EMC7: variants seen among roughly 807,000 people sequenced by gnomAD.
The protein encoded by EMC7 is endoplasmic reticulum membrane protein complex subunit 7.
EMC7 carries 4 observed loss-of-function variants against 24.4 expected under a neutral mutation model. The observed-to-expected ratio is 0.16, with a 90% CI of 0.08 to 0.38. The LOEUF is 0.38. Ranked by LOEUF, EMC7 falls within the 10% of genes least tolerant of loss-of-function variation. The pLI, the probability that EMC7 is intolerant of heterozygous loss-of-function variation, is 1.00. For missense variants in EMC7, 221 were observed against 300.6 expected (o/e 0.74, Z 1.96); for synonymous variants, 106 against 112.0 (o/e 0.95, Z 0.34).
chr15:34,093,801 A>ACACACACACACG, intron 2 of EMC7, among the ~76,000 whole-genome samples: 1 of 8,088 alleles, frequency 1.2e-4, no homozygotes, highest in African/African-American at 2.0e-4. Context: ...ACACACACAC[A>ACACACACACACG]CACACATATA....
chr15:34,101,782 C>T lies in EMC7; in HGVS notation c.58G>A (p.Asp20Asn), dbSNP rs750915064. ...PVLLLLLLSG[D>N]VQSSEVPGAA... Reference sequence around the variant, plus strand: ...CCGGGCACCTCCGAGCTCTGGACATCCCCCGATAGCAGCAGCAGCAGCAGG... The same window carrying T: ...CCGGGCACCTCCGAGCTCTGGACATTCCCCGATAGCAGCAGCAGCAGCAGG... Residue 20 changes from aspartate (D) to asparagine (N), a missense_variant, in exon 1 of 5, where the codon GAT (aspartate) becomes AAT (asparagine). Transcript: ENST00000256545. 6.2e-7 allele frequency: 1 copy of T among 1,613,298 alleles called. No individual in the cohort carries two copies. The highest frequency in any genetic ancestry group is 8.5e-7 in the Non-Finnish European group (1 of 1,179,950).
chr15:34,084,409 G>A lies in EMC7; in HGVS notation c.654C>T (p.Phe218=). 2 of 1,613,856 alleles carry A rather than the reference G, an allele frequency of 1.2e-6. No homozygotes were observed. The highest frequency in any genetic ancestry group is 1.7e-6 in the Non-Finnish European group (2 of 1,179,810). The change falls in exon 5 of 5, where the codon TTC becomes TTT. Residue 218 remains phenylalanine (F), a synonymous_variant. Coordinates refer to ENST00000256545, the MANE Select transcript of EMC7 (RefSeq NM_020154.3). ...PDVSEFMTRL[F]SSKSSGKSSS... ...TAGATTTGCCAGATGATTTTGAAGA[G>A]AAGAGTCTTGTCATGAACTCAGAAA...
Position 34,084,517 on chromosome 15 carries a change from G to T in EMC7, c.577-31C>A, listed in dbSNP as rs1265780637. The T allele has an allele frequency of 1.9e-6, 3 of 1,595,596 alleles. No individual in the cohort carries two copies. The African/African-American group carries it at 4.0e-5, about 21-fold the overall frequency. ...AGAAGACAAGGCACAATGATATGTA[G>T]GATCCTTCGAGTCTTTTAACTCCTA... On this transcript the variant is annotated intron_variant, in intron 4 of 4. Transcript: ENST00000256545.
At chr15:34,098,017 T>G (rs535359016) in intron 1 of EMC7, among the ~76,000 whole-genome samples, 1 of 150,578 alleles carries the variant, frequency 6.6e-6, no homozygotes, top group South Asian at 2.1e-4. Context: ...CAGAGCACAC[T>G]AAGCCAGAAT....
At chr15:34,085,751 G>T (rs558959972) in intron 4 of EMC7, among the ~76,000 whole-genome samples, 1 of 148,006 alleles carries the variant, frequency 6.8e-6, no homozygotes, top group South Asian at 2.1e-4. Flanking sequence ...CAATAATTAA[G>T]AAATAAATGT....
chr15:34,097,960 C>T (rs1366734953), intron 1 of EMC7, among the ~76,000 whole-genome samples: 1 of 122,190 alleles, frequency 8.2e-6, no homozygotes, highest in Non-Finnish European at 1.9e-5. Flanking sequence ...CAGATCGAGA[C>T]TCCGTCTCAA....
intron 2 of EMC7, among the ~76,000 whole-genome samples, chr15:34,093,579 C>T (rs1275755434): frequency 6.6e-6 from 1 of 150,448 alleles, no homozygotes; most frequent in Non-Finnish European, 1.5e-5. Context: ...CAAGTATTCC[C>T]TTTTGTGTAG....
At chr15:34,093,823 A>ATATATATATTTTTTT (rs1190830993) in intron 2 of EMC7, among the ~76,000 whole-genome samples, 4 of 48,700 alleles carry the variant, frequency 8.2e-5, no homozygotes, top group Admixed American at 2.7e-4. Flanking sequence ...ATATATATAT[A>ATATATATATTTTTTT]TTTTTTTTTT....
intron 2 of EMC7, among the ~76,000 whole-genome samples, chr15:34,093,782 T>TACACACACAC (rs143551689): frequency 0.037 from 838 of 22,640 alleles, 59 homozygotes; most frequent in Admixed American, 0.1. Flanking sequence ...CATATATGTA[T>TACACACACAC]ACACACACAC....
intron 4 of EMC7, among the ~76,000 whole-genome samples, chr15:34,087,426 G>T (rs1287289996): frequency 1.3e-5 from 2 of 152,212 alleles, no homozygotes; most frequent in Non-Finnish European, 2.9e-5. Context: ...AACCAGTATG[G>T]TTTTGTGGAA....
intron 3 of EMC7, among the ~76,000 whole-genome samples, chr15:34,089,374 T>C (rs993180480): frequency 3.3e-5 from 5 of 152,240 alleles, no homozygotes; most frequent in African/African-American, 7.2e-5. Flanking sequence ...ATGTGATTAA[T>C]ACACATCGTA....
At chr15:34,093,362 G>A (rs1032342672) in intron 2 of EMC7, among the ~76,000 whole-genome samples, 25 of 151,690 alleles carry the variant, frequency 1.6e-4, no homozygotes, top group Non-Finnish European at 2.9e-4. Context: ...GCTTGAACCC[G>A]GGAGGCGGAG....
At chr15:34,089,398 A>C (rs966282712) in intron 3 of EMC7, among the ~76,000 whole-genome samples, 33 of 152,234 alleles carry the variant, frequency 2.2e-4, no homozygotes, top group African/African-American at 7.5e-4. Context: ...CTATATCAAA[A>C]CATCATATGT....
chr15:34,086,091 C>A, intron 4 of EMC7: 1 of 331,500 alleles, frequency 3.0e-6, no homozygotes, highest in South Asian at 2.9e-5. Context: ...CAGGAACTTC[C>A]AGAAGCCACT....
chr15:34,086,225 T>C, intron 4 of EMC7: 1 of 363,702 alleles, frequency 2.7e-6, no homozygotes, highest in Non-Finnish European at 5.3e-6. Context: ...TAAGCTAAAT[T>C]TTGACATATT....
chr15:34,086,255 A>G, intron 4 of EMC7: 1 of 313,156 alleles, frequency 3.2e-6, no homozygotes, highest in South Asian at 3.3e-5. Flanking sequence ...GGTGCCAGAT[A>G]AACCTCTTAG....
chr15:34,084,118 T>C lies in EMC7; in HGVS notation c.*216A>G. On this transcript the variant is annotated 3_prime_UTR_variant, in exon 5 of 5. Coordinates refer to ENST00000256545, the MANE Select transcript of EMC7 (RefSeq NM_020154.3). Reference sequence around the variant, plus strand: ...CTATAGGACACTGTAATTAATTCAGTGACATCAATATTGACCTCATACAGA... The same window carrying C: ...CTATAGGACACTGTAATTAATTCAGCGACATCAATATTGACCTCATACAGA... 2.2e-6 allele frequency: 1 copy of C among 458,838 alleles called. No individual in the cohort carries two copies. The allele number at this position is 458,838 out of a possible 1,614,324, so 28.4% of individuals were successfully genotyped here. A position where few individuals can be genotyped will look rare whatever the true frequency, so the allele number is the denominator to read the frequency against.
intron 2 of EMC7, among the ~76,000 whole-genome samples, chr15:34,091,101 A>G (rs781419255): frequency 4.7e-4 from 71 of 152,152 alleles, no homozygotes; most frequent in Non-Finnish European, 8.4e-4. Context: ...CTCCCACTTC[A>G]TCAGACTTCT....
chr15:34,093,457 A>G (rs576982271), intron 2 of EMC7, among the ~76,000 whole-genome samples: 6 of 149,746 alleles, frequency 4.0e-5, no homozygotes, highest in Admixed American at 6.7e-5. Context: ...AAAAAAAATT[A>G]TAAGTTGAAC....
Sources: gnomAD v4.1 joint callset for allele counts (sites outside exome capture counted in the v4.1 genomes callset) on GRCh38, gnomAD v4.1.1 for gene constraint, MANE v1.5 for transcripts, NCBI Gene and HGNC (gene_info 2026-07-23, HGNC 2026-07-21) for gene names.